Variants in HECTD2 observed in about 807,000 individuals in gnomAD.
The protein encoded by HECTD2 is HECT domain E3 ubiquitin protein ligase 2.
In HECTD2, 35 loss-of-function variants were observed where a neutral mutation model predicts 103.2. The observed-to-expected ratio is 0.34, with a 90% CI of 0.26 to 0.45. HECTD2 has a LOEUF of 0.45. Ranked by LOEUF, HECTD2 falls within the 20% of genes least tolerant of loss-of-function variation. The probability of loss-of-function intolerance (pLI) is 1.00; values close to 1 mark genes in which losing one functional copy is unlikely to be tolerated. For synonymous variants in HECTD2, 281 were observed against 329.9 expected (o/e 0.85, Z 1.61); for missense variants, 596 against 937.4 (o/e 0.64, Z 4.76).
intron 2 of HECTD2, among the ~76,000 whole-genome samples, chr10:91,428,594 T>A (rs1843684770): frequency 6.6e-6 from 1 of 152,186 alleles, no homozygotes; most frequent in Non-Finnish European, 1.5e-5. Context: ...TTCCTTCACA[T>A]CCCTTGTAAG....
At position 91,449,495 on chromosome 10, in the gene HECTD2, C is replaced by T. The variant is rs188645773; in HGVS notation, c.269-10932C>T. Among the ~76,000 whole-genome samples, 453 of 152,110 alleles carry T rather than the reference C, an allele frequency of 3.0e-3. 3 individuals are homozygous for T. The highest frequency in any genetic ancestry group is 0.01 in the African/African-American group (427 of 41,518). Reference sequence around the variant, plus strand: ...TTTAAGAACTGACAGAAGACAAGGACGCCCTCTCTTACTACTCCTATAAAC... The same window carrying T: ...TTTAAGAACTGACAGAAGACAAGGATGCCCTCTCTTACTACTCCTATAAAC... On this transcript the variant is annotated intron_variant, in intron 2 of 20. Transcript: ENST00000298068.
intron 2 of HECTD2, among the ~76,000 whole-genome samples, chr10:91,458,599 T>C (rs1166231484): frequency 6.6e-6 from 1 of 151,920 alleles, no homozygotes; most frequent in African/African-American, 2.4e-5. Context: ...ATATGCCCAG[T>C]TGTAATTTGA....
intron 14 of HECTD2, among the ~76,000 whole-genome samples, chr10:91,495,753 T>TTTAGCTCTGTTC (rs1190262251): frequency 6.6e-6 from 1 of 152,092 alleles, no homozygotes; most frequent in East Asian, 1.9e-4. Flanking sequence ...GTTTATTCAG[T>TTTAGCTCTGTTC]TTAGCTCTGT....
At chr10:91,481,812 A>G (rs1846095976) in intron 7 of HECTD2, among the ~76,000 whole-genome samples, 1 of 151,812 alleles carries the variant, frequency 6.6e-6, no homozygotes, top group Admixed American at 6.6e-5. Context: ...TTGTCCATGT[A>G]TATTATCTCA....
chr10:91,503,310 C>G (rs922291205), intron 20 of HECTD2, among the ~76,000 whole-genome samples: 3 of 152,356 alleles, frequency 2.0e-5, no homozygotes, highest in African/African-American at 7.2e-5. Flanking sequence ...CAGTCTACAG[C>G]TCCCAGCCTG....
intron 2 of HECTD2, among the ~76,000 whole-genome samples, chr10:91,426,807 C>T (rs1173997592): frequency 1.3e-5 from 2 of 151,814 alleles, no homozygotes; most frequent in Non-Finnish European, 2.9e-5. Flanking sequence ...TCATCTGTGC[C>T]AGTCTTGTGG....
chr10:91,499,099 T>C lies in HECTD2; in HGVS notation c.1899T>C (p.Phe633=). ...FLLNKSIYKQ[F]AAFYYGFHSV... ...TGAACAAATCCATCTATAAGCAGTT[T>C]GCTGCATTTTATTATGGATTTCATA... Residue 633 remains phenylalanine (F), a synonymous_variant, in exon 18 of 21, where the codon TTT becomes TTC. Transcript: ENST00000298068. 1 of 1,613,282 alleles carries C rather than the reference T, an allele frequency of 6.2e-7. No homozygotes were observed. Among genetic ancestry groups the C allele is most frequent in the South Asian group, 1.1e-5 (1 of 91,036 alleles).
Position 91,501,220 on chromosome 10 carries a change from C to G in HECTD2, c.2096C>G (p.Pro699Arg). The part of the protein sequence containing the change: ...KYFWDVVLGF[P>R]LDLQKKLLHF... Reference sequence around the variant, plus strand: ...TTTTGGGATGTTGTGCTTGGATTTCCTCTTGATCTTCAAAAGAAGTTGCTA... The same window carrying G: ...TTTTGGGATGTTGTGCTTGGATTTCGTCTTGATCTTCAAAAGAAGTTGCTA... The change falls in exon 20 of 21, where the codon CCT becomes CGT. Residue 699 changes from proline to arginine, a missense_variant. Pro to Arg is a moderately radical substitution (Grantham distance 103, BLOSUM62 -2). Transcript: ENST00000298068. 1 of 1,608,444 alleles carries G rather than the reference C, an allele frequency of 6.2e-7. No homozygotes were observed.
intron 5 of HECTD2, chr10:91,462,530 G>A (rs1033314138): frequency 2.7e-4 from 283 of 1,061,480 alleles, no homozygotes; most frequent in Non-Finnish European, 3.1e-4. Flanking sequence ...AGAATCACAA[G>A]AAGGGCTTGT....
rs1847534070 is a variant in HECTD2, at chr10:91,514,369, G to A, written c.*1985G>A. The A allele has an allele frequency of 1.3e-5, 2 of 152,564 alleles. No homozygotes were observed. The highest frequency in any genetic ancestry group is 2.1e-4 in the South Asian group (1 of 4,824). 9.5% of individuals were successfully genotyped at this position (152,564 alleles called of 1,614,324 possible). A position where few individuals can be genotyped will look rare whatever the true frequency, so the allele number is the denominator to read the frequency against. On this transcript the variant is annotated 3_prime_UTR_variant, in exon 21 of 21. Coordinates refer to ENST00000298068, the MANE Select transcript of HECTD2 (RefSeq NM_182765.6). ...TTGTTATCTGTTGTTAAGTTGAAATGTATAATCATTTATCACTAAATTGCA... is the reference window on the plus strand; with the variant it reads ...TTGTTATCTGTTGTTAAGTTGAAATATATAATCATTTATCACTAAATTGCA...
intron 2 of HECTD2, among the ~76,000 whole-genome samples, chr10:91,432,543 C>T (rs977463798): frequency 6.6e-6 from 1 of 151,964 alleles, no homozygotes; most frequent in African/African-American, 2.4e-5. Context: ...GTTAGCACTA[C>T]ATCCTCCCTT....
At chr10:91,491,901 A>G (rs536216195) in intron 12 of HECTD2, among the ~76,000 whole-genome samples, 1 of 152,172 alleles carries the variant, frequency 6.6e-6, no homozygotes, top group Non-Finnish European at 1.5e-5. Flanking sequence ...TAGTGGTACA[A>G]TCAAAGCTCA....
intron 5 of HECTD2, among the ~76,000 whole-genome samples, chr10:91,475,065 A>G (rs1845855867): frequency 6.6e-6 from 1 of 152,192 alleles, no homozygotes; most frequent in African/African-American, 2.4e-5. Context: ...GTAAGAGATG[A>G]GACTGCATAT....
At chr10:91,498,820 A>G (rs1163139298) in intron 16 of HECTD2, 52 bp from the exon 17 acceptor site, 9 of 1,097,706 alleles carry the variant, frequency 8.2e-6, no homozygotes, top group Middle Eastern at 5.9e-4. Flanking sequence ...TGTTCACCAA[A>G]GTATGTTATT....
chr10:91,463,699 C>T (rs894683304), intron 5 of HECTD2: 1 of 152,104 alleles, frequency 6.6e-6, no homozygotes, highest in Admixed American at 6.6e-5. Flanking sequence ...GAGTACTTCA[C>T]TATTAAATAT....
intron 5 of HECTD2, among the ~76,000 whole-genome samples, chr10:91,470,388 A>G (rs1845682086): frequency 6.6e-6 from 1 of 152,220 alleles, no homozygotes; most frequent in African/African-American, 2.4e-5. Flanking sequence ...AGAAATCCAT[A>G]CTGAGAAAAC....
intron 2 of HECTD2, among the ~76,000 whole-genome samples, chr10:91,447,703 A>AG (rs1434921960): frequency 0.012 from 923 of 77,344 alleles, 26 homozygotes; most frequent in African/African-American, 0.058. Flanking sequence ...GAAAGCAAAA[A>AG]AAAAAAGAAA....
Position 91,492,469 on chromosome 10 carries a change from T to C in HECTD2, c.1417T>C (p.Phe473Leu). 6.2e-7 allele frequency: 1 copy of C among 1,610,802 alleles called. No homozygotes were observed. The highest frequency in any genetic ancestry group is 8.5e-7 in the Non-Finnish European group (1 of 1,177,252). ...EWFLLLIRQI[F>L]HPDYGMFTYH... ...GTTCCTTCTTCTAATTCGCCAAATT[T>C]TTCATCCAGATTATGGTAAGTATGT... Residue 473 changes from phenylalanine to leucine, a missense_variant, in exon 13 of 21, where the codon TTT (phenylalanine) becomes CTT (leucine). By Grantham distance (22) the Phe-to-Leu change is conservative (BLOSUM62 0). Transcript: ENST00000298068.
intron 1 of HECTD2, among the ~76,000 whole-genome samples, chr10:91,421,132 G>T (rs1843342032): frequency 6.6e-6 from 1 of 151,382 alleles, no homozygotes; most frequent in Admixed American, 6.6e-5. Flanking sequence ...AATTTATTTT[G>T]TATAGTCCGT....
Sources: allele counts gnomAD v4.1 joint callset (sites outside exome capture counted in the v4.1 genomes callset), GRCh38; gene constraint gnomAD v4.1.1; transcripts MANE v1.5; gene names NCBI Gene and HGNC (gene_info 2026-07-23, HGNC 2026-07-21).